The following PPP4R4 variants were observed in gnomAD, a reference collection of about 807,000 sequenced individuals.
The protein encoded by PPP4R4 is serine/threonine-protein phosphatase 4 regulatory subunit 4.
PPP4R4 carries 70 observed loss-of-function variants against 121.8 expected under a neutral mutation model. The ratio of observed to expected loss-of-function variants is 0.57; its 90% CI spans 0.47 to 0.70. The LOEUF (loss-of-function observed/expected upper bound fraction) is 0.70, where lower values mean the gene tolerates loss of function less well. Among genes scored for constraint, PPP4R4 ranks in the 30% least tolerant of loss-of-function variants. The pLI is 0.00. For synonymous variants in PPP4R4, 348 were observed against 355.7 expected (o/e 0.98, Z 0.24); for missense variants, 875 against 1,033.6 (o/e 0.85, Z 2.10).
At chr14:94,244,539 G>T in intron 11 of PPP4R4, 96 bp from the exon 12 acceptor site, 1 of 1,004,648 alleles carries the variant, frequency 1.0e-6, no homozygotes, top group African/African-American at 1.7e-5. Flanking sequence ...TATTTTAGAA[G>T]AAATATATAA....
chr14:94,248,338 A>G (rs1893001992), intron 14 of PPP4R4, among the ~76,000 whole-genome samples: 1 of 152,208 alleles, frequency 6.6e-6, no homozygotes, highest in Non-Finnish European at 1.5e-5. Flanking sequence ...ATATCCAGTA[A>G]CACATCTAAC....
At chr14:94,216,334 T>C (rs1364416775) in intron 3 of PPP4R4, among the ~76,000 whole-genome samples, 1 of 152,186 alleles carries the variant, frequency 6.6e-6, no homozygotes, top group Non-Finnish European at 1.5e-5. Flanking sequence ...CCTCTTAGGA[T>C]AGATGGGACA....
At chr14:94,244,550 C>T in intron 11 of PPP4R4, 85 bp from the exon 12 acceptor site, 1 of 1,069,640 alleles carries the variant, frequency 9.3e-7, no homozygotes, top group Non-Finnish European at 1.3e-6. Context: ...AAATATATAA[C>T]AAGGATGTAT....
At chr14:94,222,564 C>A (rs1173721992) in intron 3 of PPP4R4, among the ~76,000 whole-genome samples, 1 of 139,464 alleles carries the variant, frequency 7.2e-6, no homozygotes, top group Non-Finnish European at 1.6e-5. Flanking sequence ...TGTAGTATTT[C>A]CATTTGGAAT....
chr14:94,190,421 A>G (rs1241607410), intron 2 of PPP4R4, among the ~76,000 whole-genome samples: 1 of 152,118 alleles, frequency 6.6e-6, no homozygotes, highest in Non-Finnish European at 1.5e-5. Flanking sequence ...CAGCCTGGCC[A>G]ATATAGTGAA....
chr14:94,195,983 G>A (rs1259519222), intron 2 of PPP4R4, among the ~76,000 whole-genome samples: 1 of 151,644 alleles, frequency 6.6e-6, no homozygotes, highest in Non-Finnish European at 1.5e-5. Context: ...TGCTTTCCTT[G>A]TATCTTATTG....
At position 94,275,432 on chromosome 14, in the gene PPP4R4, T is replaced by C; in HGVS notation, c.2508T>C (p.Thr836=). 6.2e-7 allele frequency: 1 copy of C among 1,613,988 alleles called. No homozygotes were observed. Among genetic ancestry groups the C allele is most frequent in the Non-Finnish European group, 8.5e-7 (1 of 1,179,886 alleles). ...SSVPSSFSPN[T]PLPSTSRGTG... is the part of the protein sequence containing the mutation. ...TTCCATCTTCCTTTTCTCCTAATAC[T>C]CCCTTACCGAGTACTTCCCGTGGGA... Residue 836 remains threonine (T), a synonymous_variant, in exon 24 of 25, where the codon ACT becomes ACC. Transcript: ENST00000304338.
chr14:94,179,154 A>G (rs1595442512), intron 2 of PPP4R4, among the ~76,000 whole-genome samples: 1 of 152,222 alleles, frequency 6.6e-6, no homozygotes, highest in Non-Finnish European at 1.5e-5. Flanking sequence ...TTGTGCAACC[A>G]TCACTGCAAT....
At chr14:94,256,380 C>T (rs1893473355) in intron 16 of PPP4R4, 80 bp from the exon 17 acceptor site, 1 of 1,222,742 alleles carries the variant, frequency 8.2e-7, no homozygotes, top group Admixed American at 2.5e-5. Flanking sequence ...CTCAGGCTAT[C>T]TAAAACTTGA....
intron 20 of PPP4R4, 96 bp from the exon 21 acceptor site, chr14:94,265,291 G>C (rs961313254): frequency 1.2e-6 from 1 of 838,914 alleles, no homozygotes; most frequent in East Asian, 2.5e-5. Context: ...CTTAGCTAGG[G>C]ATAGTGATTC....
chr14:94,202,530 G>A (rs1332778603), intron 2 of PPP4R4, among the ~76,000 whole-genome samples: 9 of 152,110 alleles, frequency 5.9e-5, no homozygotes, highest in Non-Finnish European at 7.4e-5. Flanking sequence ...TAAGTTTGTC[G>A]TAGATATTCT....
Position 94,233,758 on chromosome 14 carries a change from A to G in PPP4R4, c.622A>G (p.Thr208Ala). 6.5e-7 allele frequency: 1 copy of G among 1,535,300 alleles called. No homozygotes were observed. Among genetic ancestry groups the G allele is most frequent in the Non-Finnish European group, 9.0e-7 (1 of 1,112,188 alleles). ...GKLTNKFDAH[T>A]IKREILPLVK... ...ATTGACCAACAAATTTGATGCCCAC[A>G]CGTGAGTATTTGTATGTAATTTTCG... Residue 208 changes from threonine (T) to alanine (A), a missense_variant and splice_region_variant, in exon 6 of 25, where the codon ACC (threonine) becomes GCC (alanine). Physicochemically the swap from Thr to Ala is moderately conservative, Grantham distance 58. Coordinates refer to ENST00000304338, the MANE Select transcript of PPP4R4 (RefSeq NM_058237.2).
At chr14:94,210,201 G>A (rs957200234) in intron 3 of PPP4R4, among the ~76,000 whole-genome samples, 1 of 149,284 alleles carries the variant, frequency 6.7e-6, no homozygotes, top group Non-Finnish European at 1.5e-5. Flanking sequence ...GTATAAATAT[G>A]CTATATATAT....
At chr14:94,244,934 A>T (rs1757835982) in intron 12 of PPP4R4, among the ~76,000 whole-genome samples, 1 of 152,128 alleles carries the variant, frequency 6.6e-6, no homozygotes, top group South Asian at 2.1e-4. Context: ...GTATATGTAT[A>T]TTTGTTTATT....
At chr14:94,265,510 T>G in intron 21 of PPP4R4, 37 bp downstream of exon 21, 1 of 1,530,926 alleles carries the variant, frequency 6.5e-7, no homozygotes, top group Non-Finnish European at 9.0e-7. Flanking sequence ...TTTTGTAATT[T>G]TTCTTCCTTG....
intron 8 of PPP4R4, among the ~76,000 whole-genome samples, 172 bp downstream of exon 8, chr14:94,237,858 T>G (rs906272536): frequency 2.6e-5 from 4 of 152,230 alleles, no homozygotes; most frequent in Non-Finnish European, 2.9e-5. Flanking sequence ...ACTTTTACCC[T>G]CATGGTGTCG....
At chr14:94,264,138 T>C (rs888094340) in intron 19 of PPP4R4, among the ~76,000 whole-genome samples, 1 of 152,208 alleles carries the variant, frequency 6.6e-6, no homozygotes, top group Non-Finnish European at 1.5e-5. Context: ...TTGTGTACTT[T>C]CTTTATACAT....
intron 16 of PPP4R4, among the ~76,000 whole-genome samples, chr14:94,253,698 A>G (rs1242527350): frequency 6.6e-6 from 1 of 152,222 alleles, no homozygotes; most frequent in Admixed American, 6.5e-5. Context: ...AAATCTGCCA[A>G]TTCAAAAAAC....
chr14:94,201,709 C>T (rs1276012216), intron 2 of PPP4R4, among the ~76,000 whole-genome samples: 1 of 151,870 alleles, frequency 6.6e-6, no homozygotes, highest in African/African-American at 2.4e-5. Flanking sequence ...TATGTGAGTC[C>T]TTATGTGTGT....
Sources: gnomAD v4.1 joint callset for allele counts (sites outside exome capture counted in the v4.1 genomes callset) on GRCh38, gnomAD v4.1.1 for gene constraint, MANE v1.5 for transcripts, NCBI Gene and HGNC (gene_info 2026-07-23, HGNC 2026-07-21) for gene names.